The following SLC9A9 variants were observed in gnomAD, a reference collection of about 807,000 sequenced individuals.
SLC9A9 encodes sodium/hydrogen exchanger 9.
A neutral mutation model predicts 77.8 loss-of-function variants in SLC9A9; 62 were observed. The observed-to-expected ratio is 0.80, with a 90% confidence interval of 0.65 to 0.98. The LOEUF is 0.98. Ranked by LOEUF, SLC9A9 falls within the 50% of genes least tolerant of loss-of-function variation. The pLI is 0.00. For synonymous variants in SLC9A9, 320 were observed against 283.5 expected, an observed-to-expected ratio of 1.13 and a Z score of -1.29; for missense variants, 775 against 774.9, an observed-to-expected ratio of 1.00 and a Z score of 0.00.
chr3:143,444,539 C>T (rs9871107), intron 12 of SLC9A9, among the ~76,000 whole-genome samples: 58,268 of 152,038 alleles, frequency 0.38, 11,580 homozygotes, highest in Non-Finnish European at 0.43. Context: ...GACTCTGGAG[C>T]GGGGTCCTTG....
At chr3:143,839,155 C>T (rs2009644287) in intron 1 of SLC9A9, among the ~76,000 whole-genome samples, 2 of 152,168 alleles carry the variant, frequency 1.3e-5, no homozygotes, top group African/African-American at 4.8e-5. Context: ...TCTGTTCTCC[C>T]ACCAACCTTT....
intron 5 of SLC9A9, among the ~76,000 whole-genome samples, chr3:143,669,095 C>T (rs1205864730): frequency 1.3e-5 from 2 of 152,170 alleles, no homozygotes; most frequent in African/African-American, 4.8e-5. Context: ...CCTGCATTTA[C>T]ATAATCCAGA....
intron 1 of SLC9A9, among the ~76,000 whole-genome samples, chr3:143,838,277 T>C (rs1215811275): frequency 1.3e-5 from 2 of 152,086 alleles, no homozygotes; most frequent in African/African-American, 4.8e-5. Flanking sequence ...AGAGGACATG[T>C]TGTTTTAGGG....
At chr3:143,322,470 C>T (rs1314005592) in intron 14 of SLC9A9, among the ~76,000 whole-genome samples, 2 of 152,122 alleles carry the variant, frequency 1.3e-5, no homozygotes, top group African/African-American at 2.4e-5. Flanking sequence ...TTCAGCTTAC[C>T]AAGTGTGGAT....
At chr3:143,664,115 G>C (rs1488633062) in intron 5 of SLC9A9, among the ~76,000 whole-genome samples, 1 of 152,178 alleles carries the variant, frequency 6.6e-6, no homozygotes, top group African/African-American at 2.4e-5. Context: ...AATCCCAACA[G>C]ACTAACAGCG....
intron 6 of SLC9A9, among the ~76,000 whole-genome samples, chr3:143,615,192 CA>C (rs2038083367): frequency 6.6e-6 from 1 of 152,216 alleles, no homozygotes; most frequent in Non-Finnish European, 1.5e-5. Context: ...GCACTGGCCA[CA>C]CCACAGGCAC....
Position 143,523,708 on chromosome 3 carries a change from A to G in SLC9A9, c.1090-28260T>C, listed in dbSNP as rs72993906. Among the ~76,000 whole-genome samples the G allele has an allele frequency of 2.9e-3, 440 of 152,302 alleles. 3 individuals carry two copies. Among genetic ancestry groups the G allele is most frequent in the African/African-American group, 9.7e-3 (405 of 41,572 alleles). On this transcript the variant is annotated intron_variant, in intron 9 of 15. Coordinates refer to ENST00000316549, the MANE Select transcript of SLC9A9 (RefSeq NM_173653.4). The stretch of plus-strand genomic sequence containing the variant: ...AAAGGATCGATGAAGGGTAATCATT[A>G]TCATTATATTTTTCCATAATCCTCT...
chr3:143,462,392 A>T (rs1576514208), intron 12 of SLC9A9, among the ~76,000 whole-genome samples: 2 of 152,200 alleles, frequency 1.3e-5, no homozygotes, highest in East Asian at 3.9e-4. Flanking sequence ...TTAATAGTAG[A>T]AGGATTGCAC....
At chr3:143,653,397 C>T (rs1483507572) in intron 5 of SLC9A9, among the ~76,000 whole-genome samples, 1 of 152,026 alleles carries the variant, frequency 6.6e-6, no homozygotes, top group Non-Finnish European at 1.5e-5. Flanking sequence ...GAATTAATTG[C>T]CAAGGGGGAA....
chr3:143,508,628 A>G (rs1431998331), intron 9 of SLC9A9, among the ~76,000 whole-genome samples: 1 of 152,218 alleles, frequency 6.6e-6, no homozygotes, highest in East Asian at 1.9e-4. Context: ...TATATATTCT[A>G]CTGTAATGGT....
intron 9 of SLC9A9, among the ~76,000 whole-genome samples, chr3:143,541,713 T>C (rs1014968855): frequency 4.6e-5 from 7 of 152,178 alleles, no homozygotes; most frequent in African/African-American, 1.7e-4. Context: ...TGGGTTTCAG[T>C]TTCCTCCAAT....
At chr3:143,406,382 T>A (rs2033980538) in intron 12 of SLC9A9, among the ~76,000 whole-genome samples, 1 of 151,882 alleles carries the variant, frequency 6.6e-6, no homozygotes, top group African/African-American at 2.4e-5. Context: ...TTTTCCTGTA[T>A]CTTTTTTTTT....
At chr3:143,556,469 CCTATTTGCCTGCTCTT>C in intron 8 of SLC9A9, among the ~76,000 whole-genome samples, 1 of 152,330 alleles carries the variant, frequency 6.6e-6, no homozygotes, top group African/African-American at 2.4e-5. Context: ...CTTGCTTCTT[CCTATTTGCCTGCTCTT>C]CCTGCTAGCT....
chr3:143,473,750 T>G (rs1337693298), intron 11 of SLC9A9, among the ~76,000 whole-genome samples: 3 of 152,226 alleles, frequency 2.0e-5, no homozygotes, highest in African/African-American at 7.2e-5. Flanking sequence ...TGGAGTTATA[T>G]CTCCTTACAT....
chr3:143,597,362 T>TC (rs2037772853), intron 6 of SLC9A9, among the ~76,000 whole-genome samples: 1 of 152,146 alleles, frequency 6.6e-6, no homozygotes, highest in African/African-American at 2.4e-5. Flanking sequence ...GCCAAAGCTG[T>TC]CCTTCTTGCA....
At chr3:143,463,322 C>G (rs909211571) in intron 12 of SLC9A9, among the ~76,000 whole-genome samples, 3 of 152,176 alleles carry the variant, frequency 2.0e-5, no homozygotes, top group Non-Finnish European at 2.9e-5. Flanking sequence ...CTGAAAGTTT[C>G]TTGGCTCCAT....
At chr3:143,573,291 G>A (rs142406933) in intron 8 of SLC9A9, among the ~76,000 whole-genome samples, 118 of 152,270 alleles carry the variant, frequency 7.7e-4, no homozygotes, top group Middle Eastern at 6.8e-3. Context: ...CCGTTAAGAT[G>A]TAATGAGCAG....
intron 9 of SLC9A9, among the ~76,000 whole-genome samples, chr3:143,499,748 A>T (rs976462433): frequency 6.6e-6 from 1 of 152,150 alleles, no homozygotes; most frequent in Non-Finnish European, 1.5e-5. Flanking sequence ...AATTTATAGA[A>T]ATTCTGAACA....
At chr3:143,479,564 T>G (rs1365093679) in intron 11 of SLC9A9, among the ~76,000 whole-genome samples, 2 of 152,170 alleles carry the variant, frequency 1.3e-5, no homozygotes, top group Non-Finnish European at 2.9e-5. Flanking sequence ...GAGTTACATG[T>G]TTTGTTTCAT....
Sources: allele counts gnomAD v4.1 joint callset (sites outside exome capture counted in the v4.1 genomes callset), GRCh38; gene constraint gnomAD v4.1.1; transcripts MANE v1.5; gene names NCBI Gene and HGNC (gene_info 2026-07-23, HGNC 2026-07-21).